The following PRKD1 variants were observed in gnomAD, a reference collection of about 807,000 sequenced individuals.
PRKD1 encodes serine/threonine-protein kinase D1.
In PRKD1, 63 loss-of-function variants were observed where a neutral mutation model predicts 95.9. The observed-to-expected ratio is 0.66, with a 90% confidence interval of 0.54 to 0.81. PRKD1 has a LOEUF of 0.81. Ranked by LOEUF, PRKD1 falls within the 30% of genes least tolerant of loss-of-function variation. PRKD1 has a pLI of 0.00. For missense variants in PRKD1, 1,048 were observed against 1,165.3 expected (o/e 0.90, Z 1.47); for synonymous variants, 425 against 423.1 (o/e 1.00, Z -0.05).
rs1012517415 is a variant in PRKD1, at chr14:29,778,917, C to G, written c.265-53243G>C. Among the ~76,000 whole-genome samples, 9 of 152,284 alleles carry G rather than the reference C, an allele frequency of 5.9e-5. No homozygotes were observed. In the South Asian group the frequency reaches 1.7e-3, roughly 28 times the overall value. ...AATACTGGCAAACTGAATCCAGCAG[C>G]ACATCAAAAAGCTTATCCACCATGA... is the stretch of plus-strand genomic sequence containing the variant. On this transcript the variant is annotated intron_variant, in intron 1 of 17. Transcript: ENST00000331968.
intron 1 of PRKD1, among the ~76,000 whole-genome samples, chr14:29,859,515 G>A (rs1892628754): frequency 6.6e-6 from 1 of 151,868 alleles, no homozygotes; most frequent in Non-Finnish European, 1.5e-5. Context: ...GGCTGAGGCA[G>A]GAGAATGGCA....
chr14:29,900,940 C>G (rs1020639648), intron 1 of PRKD1, among the ~76,000 whole-genome samples: 1 of 152,122 alleles, frequency 6.6e-6, no homozygotes, highest in African/African-American at 2.4e-5. Flanking sequence ...GGAGATTTCT[C>G]GAAGAACTTA....
At chr14:29,746,443 T>A (rs1244753864) in intron 1 of PRKD1, among the ~76,000 whole-genome samples, 5 of 152,074 alleles carry the variant, frequency 3.3e-5, no homozygotes, top group Admixed American at 3.3e-4. Flanking sequence ...TTCTTCCACA[T>A]AAAAGTCCAC....
At chr14:29,911,382 G>A (rs1345945161) in intron 1 of PRKD1, among the ~76,000 whole-genome samples, 3 of 152,114 alleles carry the variant, frequency 2.0e-5, no homozygotes, top group Non-Finnish European at 4.4e-5. Flanking sequence ...GAAAGATTAA[G>A]AAGTAACATC....
intron 1 of PRKD1, among the ~76,000 whole-genome samples, chr14:29,819,373 A>G (rs1157190684): frequency 6.6e-6 from 1 of 152,164 alleles, no homozygotes; most frequent in Non-Finnish European, 1.5e-5. Context: ...TCTGAGACAG[A>G]AAGAGAGAGA....
chr14:29,726,480 G>A (rs998488779), intron 1 of PRKD1, among the ~76,000 whole-genome samples: 6 of 151,920 alleles, frequency 3.9e-5, no homozygotes, highest in Admixed American at 3.3e-4. Flanking sequence ...GCAAACTCAG[G>A]GAAAAAGAAA....
chr14:29,733,813 C>T (rs556913841), intron 1 of PRKD1, among the ~76,000 whole-genome samples: 2 of 152,140 alleles, frequency 1.3e-5, no homozygotes, highest in South Asian at 4.2e-4. Context: ...AAAGCCTAAC[C>T]ATATATACCC....
intron 11 of PRKD1, among the ~76,000 whole-genome samples, chr14:29,626,864 G>A (rs1240405040): frequency 2.6e-5 from 4 of 151,982 alleles, no homozygotes; most frequent in Admixed American, 1.3e-4. Flanking sequence ...ACAGGCACAC[G>A]CCACCACGCC....
chr14:29,847,876 C>CT (rs1262093841), intron 1 of PRKD1, among the ~76,000 whole-genome samples: 1 of 151,620 alleles, frequency 6.6e-6, no homozygotes, highest in African/African-American at 2.4e-5. Context: ...CTCTCTCTCT[C>CT]TCCCCCCCCA....
At chr14:29,787,490 T>C (rs1889329141) in intron 1 of PRKD1, among the ~76,000 whole-genome samples, 1 of 152,136 alleles carries the variant, frequency 6.6e-6, no homozygotes, top group African/African-American at 2.4e-5. Flanking sequence ...TAATATTTGC[T>C]CTATATATCT....
At chr14:29,713,649 G>C (rs539125238) in intron 2 of PRKD1, among the ~76,000 whole-genome samples, 9 of 152,172 alleles carry the variant, frequency 5.9e-5, no homozygotes, top group Non-Finnish European at 1.3e-4. Context: ...GGGAAACAAA[G>C]CCATTCATAA....
intron 2 of PRKD1, among the ~76,000 whole-genome samples, chr14:29,706,608 C>T (rs945420154): frequency 9.9e-5 from 15 of 152,052 alleles, no homozygotes; most frequent in African/African-American, 3.6e-4. Flanking sequence ...AGATGTTGCA[C>T]AAGGCACCAG....
Position 29,636,277 on chromosome 14 carries a change from GTGC to G in PRKD1, c.1190+10_1190+12del. ...GTTCCCCTGTTGGCTGAGGCTGGGA[GTGC>G]TGCTCTCACCTGATGGTTCTGTTGG... On this transcript the variant is annotated intron_variant, in intron 7 of 17. Transcript: ENST00000331968. 6.2e-7 allele frequency: 1 copy of G among 1,614,198 alleles called. No homozygotes were observed. The highest frequency in any genetic ancestry group is 1.7e-4 in the Middle Eastern group (1 of 6,056).
rs759999482 is a variant in PRKD1 at position 29,820,985 on chromosome 14, CTGGAAGTCA to C, written c.265-95320_265-95312del. Among the ~76,000 whole-genome samples the C allele has an allele frequency of 2.0e-5, 3 of 152,206 alleles. No homozygotes were observed. The South Asian group carries it at 6.2e-4, about 32-fold the overall frequency. ...ATGATGCAGCTTTCTAGCTTAAACT[CTGGAAGTCA>C]TTAACAGTGATGGAGAGAAATGGGA... is the stretch of plus-strand genomic sequence containing the variant. On this transcript the variant is annotated intron_variant, in intron 1 of 17. Coordinates refer to ENST00000331968, the MANE Select transcript of PRKD1 (RefSeq NM_002742.3).
chr14:29,621,037 G>T (rs1879215126), intron 13 of PRKD1, among the ~76,000 whole-genome samples: 1 of 151,738 alleles, frequency 6.6e-6, no homozygotes, highest in African/African-American at 2.4e-5. Flanking sequence ...CATGTCCTTT[G>T]TAGGGACATG....
At chr14:29,718,059 T>C (rs565597844) in intron 2 of PRKD1, among the ~76,000 whole-genome samples, 5 of 152,168 alleles carry the variant, frequency 3.3e-5, no homozygotes, top group Non-Finnish European at 7.3e-5. Flanking sequence ...TGGGAGTCTA[T>C]GGTAACATTC....
intron 13 of PRKD1, among the ~76,000 whole-genome samples, chr14:29,621,074 G>A (rs1879218207): frequency 7.2e-6 from 1 of 138,886 alleles, no homozygotes; most frequent in Admixed American, 7.5e-5. Flanking sequence ...ATCATTCTCA[G>A]TAAACTATCG....
intron 11 of PRKD1, among the ~76,000 whole-genome samples, chr14:29,627,772 T>A (rs1259752786): frequency 6.6e-6 from 1 of 152,120 alleles, no homozygotes; most frequent in Non-Finnish European, 1.5e-5. Flanking sequence ...CCTTTGTTCT[T>A]CCCCCTAGAA....
intron 13 of PRKD1, among the ~76,000 whole-genome samples, chr14:29,606,628 G>C (rs1345213828): frequency 6.6e-6 from 1 of 152,158 alleles, no homozygotes; most frequent in South Asian, 2.1e-4. Flanking sequence ...ATCAGCAAGA[G>C]ATAAGCAAAG....
Sources: allele counts gnomAD v4.1 joint callset (sites outside exome capture counted in the v4.1 genomes callset), GRCh38; gene constraint gnomAD v4.1.1; transcripts MANE v1.5; gene names NCBI Gene and HGNC (gene_info 2026-07-23, HGNC 2026-07-21).